ASCC1: variants seen among roughly 807,000 people sequenced by gnomAD.
The protein encoded by ASCC1 is ASC-1 complex subunit P50.
Under a neutral mutation model 46.6 loss-of-function variants are expected in ASCC1, and 35 were observed. That is an observed-to-expected ratio of 0.75 (90% CI 0.57 to 0.99). ASCC1 has a LOEUF of 0.99. Ranked by LOEUF, ASCC1 falls within the 50% of genes least tolerant of loss-of-function variation. ASCC1 has a pLI of 0.00. For missense variants in ASCC1, 376 were observed against 428.7 expected (o/e 0.88, Z 1.09); for synonymous variants, 143 against 146.6 (o/e 0.98, Z 0.18).
chr10:72,207,369 G>A (rs186990478), intron 3 of ASCC1, among the ~76,000 whole-genome samples: 6 of 152,294 alleles, frequency 3.9e-5, no homozygotes, highest in East Asian at 1.9e-4. Flanking sequence ...AGCCCAGATC[G>A]TGCCACTGCA....
intron 6 of ASCC1, among the ~76,000 whole-genome samples, chr10:72,155,055 A>C (rs568127442): frequency 6.6e-6 from 1 of 151,562 alleles, no homozygotes; most frequent in Non-Finnish European, 1.5e-5. Context: ...AACAATGTGC[A>C]TGCTATGCTA....
chr10:72,142,120 T>C lies in ASCC1; in HGVS notation c.747-8939A>G, dbSNP rs370874954. 1.2e-4 allele frequency among the ~76,000 whole-genome samples: 18 copies of C among 152,334 alleles called. No individual in the cohort carries two copies. In the South Asian group the frequency reaches 3.5e-3, roughly 30 times the overall value. ...TGATTGTTGATTTAAAATAGACATA[T>C]TAGACAGTATCTATTTTTATTTTTT... On this transcript the variant is annotated intron_variant, in intron 7 of 9. Coordinates refer to ENST00000672957, the MANE Select transcript of ASCC1 (RefSeq NM_001198800.3).
chr10:72,188,571 G>C (rs1487732885), intron 5 of ASCC1, among the ~76,000 whole-genome samples: 1 of 152,120 alleles, frequency 6.6e-6, no homozygotes, highest in African/African-American at 2.4e-5. Flanking sequence ...AAAGAAAGAA[G>C]AAAAGATCTT....
chr10:72,110,966 A>C (rs534573451), intron 9 of ASCC1, among the ~76,000 whole-genome samples: 1 of 152,336 alleles, frequency 6.6e-6, no homozygotes, highest in South Asian at 2.1e-4. Flanking sequence ...TTAGACGGGA[A>C]GACATGAAAT....
intron 5 of ASCC1, among the ~76,000 whole-genome samples, chr10:72,186,520 T>G (rs1420826596): frequency 3.3e-5 from 5 of 152,272 alleles, no homozygotes; most frequent in Admixed American, 3.3e-4. Flanking sequence ...GAACAGGTAT[T>G]TGCTCTTCAA....
At chr10:72,216,878 C>G (rs1859449906), upstream of ASCC1, 2 of 456,074 alleles carry the variant, frequency 4.4e-6, no homozygotes, top group Admixed American at 2.4e-5. Flanking sequence ...CAAAATTTTA[C>G]TGGGCACCTC....
At chr10:72,161,184 G>GAA (rs77185118) in intron 6 of ASCC1, among the ~76,000 whole-genome samples, 24 of 121,272 alleles carry the variant, frequency 2.0e-4, no homozygotes, top group African/African-American at 5.6e-4. Flanking sequence ...TGGGCGACAG[G>GAA]AAAAAAAAAA....
intron 5 of ASCC1, among the ~76,000 whole-genome samples, chr10:72,165,525 G>A (rs1031105280): frequency 5.3e-5 from 8 of 152,264 alleles, no homozygotes; most frequent in Non-Finnish European, 1.0e-4. Flanking sequence ...TCCAAAGGCA[G>A]AGAAAGGTAT....
chr10:72,098,692 G>C (rs1276641137), intron 9 of ASCC1, among the ~76,000 whole-genome samples: 1 of 152,174 alleles, frequency 6.6e-6, no homozygotes, highest in African/African-American at 2.4e-5. Flanking sequence ...ATGCCTGAGG[G>C]TTCATTAAAG....
upstream of ASCC1, chr10:72,216,304 G>GTGC (rs1209340366): frequency 1.9e-5 from 3 of 160,638 alleles, no homozygotes; most frequent in Non-Finnish European, 1.4e-5. Context: ...GTTTGACCGA[G>GTGC]TGCGCATGCG....
intron 6 of ASCC1, 107 bp downstream of exon 6, chr10:72,161,431 G>T: frequency 7.0e-7 from 1 of 1,429,646 alleles, no homozygotes; most frequent in Non-Finnish European, 9.8e-7. Context: ...CAAATCACAT[G>T]AGTCCTTCCC....
At chr10:72,170,600 A>G (rs1395901240) in intron 5 of ASCC1, among the ~76,000 whole-genome samples, 1 of 151,442 alleles carries the variant, frequency 6.6e-6, no homozygotes, top group African/African-American at 2.4e-5. Flanking sequence ...TCTCAAAAAA[A>G]AAAAAAAAAA....
At position 72,102,365 on chromosome 10, in the gene ASCC1, G is replaced by A. The variant is rs769805829; in HGVS notation, c.958-4915C>T. Reference sequence around the variant, plus strand: ...GCTCTCTGTGTCCCAAGCCCTTCTCGATTCTAGGATTTTCCTGGTAGGCTC... The same window carrying A: ...GCTCTCTGTGTCCCAAGCCCTTCTCAATTCTAGGATTTTCCTGGTAGGCTC... On this transcript the variant is annotated intron_variant, in intron 9 of 9. Coordinates refer to ENST00000672957, the MANE Select transcript of ASCC1 (RefSeq NM_001198800.3). 1.3e-4 allele frequency: 204 copies of A among 1,549,608 alleles called. No homozygotes were observed. The highest frequency in any genetic ancestry group is 5.0e-4 in the South Asian group (42 of 84,036).
chr10:72,127,759 G>C (rs1845054593), intron 9 of ASCC1, among the ~76,000 whole-genome samples: 1 of 150,770 alleles, frequency 6.6e-6, no homozygotes, highest in Admixed American at 6.6e-5. Context: ...GGGAGACAGA[G>C]GTGGCAGGAC....
intron 9 of ASCC1, among the ~76,000 whole-genome samples, chr10:72,114,874 G>T (rs895814544): frequency 6.6e-6 from 1 of 152,084 alleles, no homozygotes; most frequent in African/African-American, 2.4e-5. Context: ...GAGGCCACAC[G>T]GATTCCACCA....
chr10:72,184,701 A>G (rs567123919), intron 5 of ASCC1, among the ~76,000 whole-genome samples: 7 of 152,180 alleles, frequency 4.6e-5, no homozygotes, highest in African/African-American at 1.7e-4. Flanking sequence ...TAAAAGAACA[A>G]GTAGATACAA....
chr10:72,196,833 T>C lies in ASCC1; in HGVS notation c.467A>G (p.Glu156Gly), dbSNP rs771987422. The change falls in exon 5 of 10, where the codon GAA (glutamate) becomes GGA (glycine). Residue 156 changes from glutamate (E) to glycine (G), a missense_variant. Transcript: ENST00000672957. Reference sequence around the variant, plus strand: ...TACCATGGAGCACTTCGCCAGTACTTCCTCCTGGAATCTCAGGAATCCTTC... The same window carrying C: ...TACCATGGAGCACTTCGCCAGTACTCCCTCCTGGAATCTCAGGAATCCTTC... ...VQEGFLRFQE[E>G]VLAKCSMDHG... The C allele has an allele frequency of 6.2e-7, 1 of 1,613,326 alleles. No homozygotes were observed.
intron 9 of ASCC1, among the ~76,000 whole-genome samples, chr10:72,110,734 C>G (rs2132012088): frequency 6.6e-6 from 1 of 152,346 alleles, no homozygotes; most frequent in Non-Finnish European, 1.5e-5. Context: ...TTGCAGTGAG[C>G]TGAGATCACG....
chr10:72,203,000 T>C (rs1337898636), intron 4 of ASCC1, among the ~76,000 whole-genome samples: 1 of 152,068 alleles, frequency 6.6e-6, no homozygotes, highest in African/African-American at 2.4e-5. Context: ...AAGACGCCCA[T>C]AGCTGGCCGG....
Sources: allele counts gnomAD v4.1 joint callset (sites outside exome capture counted in the v4.1 genomes callset), GRCh38; gene constraint gnomAD v4.1.1; transcripts MANE v1.5; gene names NCBI Gene and HGNC (gene_info 2026-07-23, HGNC 2026-07-21).